Variants in TBL1X observed in about 807,000 individuals in gnomAD.
The protein encoded by TBL1X is F-box-like/WD repeat-containing protein TBL1X.
In TBL1X, 10 loss-of-function variants were observed where a neutral mutation model predicts 50.7. The observed-to-expected ratio is 0.20, with a 90% CI of 0.12 to 0.33. TBL1X has a LOEUF of 0.33. Among genes scored for constraint, TBL1X ranks in the 10% least tolerant of loss-of-function variants. The pLI, the probability that TBL1X is intolerant of heterozygous loss-of-function variation, is 1.00. For missense variants in TBL1X, 340 were observed against 504.4 expected (o/e 0.67, Z 3.12); for synonymous variants, 190 against 214.7 (o/e 0.88, Z 1.01).
intron 5 of TBL1X, among the ~76,000 whole-genome samples, chrX:9,663,088 A>G (rs749699859): frequency 9.2e-6 from 1 of 108,876 alleles, no homozygotes; most frequent in South Asian, 4.0e-4. Flanking sequence ...GAGTTTAGAA[A>G]ATTAGTCTCA....
chrX:9,698,424 G>A (rs770435118), intron 12 of TBL1X, among the ~76,000 whole-genome samples: 3 of 111,700 alleles, frequency 2.7e-5, no homozygotes, highest in African/African-American at 6.5e-5. Context: ...AAAGGGAAAC[G>A]GTGCACACGG....
intron 2 of TBL1X, among the ~76,000 whole-genome samples, chrX:9,596,927 C>T (rs2082529546): frequency 9.0e-6 from 1 of 111,166 alleles, no homozygotes; most frequent in African/African-American, 3.3e-5. Flanking sequence ...GATTTAAAGT[C>T]ATAAAGGAAG....
intron 1 of TBL1X, among the ~76,000 whole-genome samples, chrX:9,489,472 C>G (rs953253546): frequency 1.8e-5 from 2 of 111,757 alleles, no homozygotes; most frequent in African/African-American, 6.5e-5. Context: ...TAAATCGTTT[C>G]TTTCTTGCTC....
At chrX:9,532,767 T>C in intron 2 of TBL1X, among the ~76,000 whole-genome samples, 1 of 111,269 alleles carries the variant, frequency 9.0e-6, no homozygotes, top group Non-Finnish European at 1.9e-5. Flanking sequence ...TGTCCCCTCA[T>C]CTCTAGTCCT....
At position 9,716,394 on chromosome X, in the gene TBL1X, A is replaced by G; in HGVS notation, c.*148A>G. On this transcript the variant is annotated 3_prime_UTR_variant, in exon 18 of 18. Transcript: ENST00000645353. ...CTCGTCTCTGGCCGCAGGAGTCTATATGTTTTCGTAATCTTCATCAAGAAG... is the reference window on the plus strand; with the variant it reads ...CTCGTCTCTGGCCGCAGGAGTCTATGTGTTTTCGTAATCTTCATCAAGAAG... 1 of 558,137 alleles carries G rather than the reference A, an allele frequency of 1.8e-6. No individual in the cohort carries two copies. The highest frequency in any genetic ancestry group is 2.7e-6 in the Non-Finnish European group (1 of 364,606). 46.0% of individuals were successfully genotyped at this position (558,137 alleles called of 1,213,427 possible).
Position 9,510,128 on chromosome X carries a change from G to T in TBL1X, c.-131+8279G>T, listed in dbSNP as rs1198947359. Among the ~76,000 whole-genome samples, 6 of 111,160 alleles carry T rather than the reference G, an allele frequency of 5.4e-5. No homozygotes were observed. In the Admixed American group the frequency reaches 5.7e-4, roughly 11 times the overall value. On this transcript the variant is annotated intron_variant, in intron 2 of 17. Coordinates refer to ENST00000645353, the MANE Select transcript of TBL1X (RefSeq NM_005647.4). ...AGAGTTTGGTTGTCACAGCTGATGG[G>T]GTGGGGGTGCTATGGCATTGGGTGG...
At chrX:9,592,232 T>C (rs1033209316) in intron 2 of TBL1X, among the ~76,000 whole-genome samples, 3 of 111,971 alleles carry the variant, frequency 2.7e-5, no homozygotes, top group Non-Finnish European at 5.6e-5. Flanking sequence ...CTCTGTTTAC[T>C]GCCTGAGATG....
chrX:9,474,087 T>C (rs755552759), intron 1 of TBL1X, among the ~76,000 whole-genome samples: 2 of 112,870 alleles, frequency 1.8e-5, no homozygotes, highest in African/African-American at 3.2e-5. Flanking sequence ...TCATGCCCTC[T>C]GGCAGGTGCA....
chrX:9,537,687 A>G (rs938071136), intron 2 of TBL1X, among the ~76,000 whole-genome samples: 4 of 112,750 alleles, frequency 3.5e-5, no homozygotes, highest in African/African-American at 1.3e-4. Context: ...TGGATGGACT[A>G]CACTCTGTTT....
At chrX:9,543,604 C>T (rs1232853096) in intron 2 of TBL1X, among the ~76,000 whole-genome samples, 1 of 111,126 alleles carries the variant, frequency 9.0e-6, no homozygotes. Flanking sequence ...AGTGACCGCT[C>T]CTGCCCCTTG....
chrX:9,709,166 GC>G (rs777767258), intron 13 of TBL1X, 81 bp from the exon 14 acceptor site: 150 of 1,007,392 alleles, frequency 1.5e-4, no homozygotes, highest in Middle Eastern at 3.7e-4. Context: ...CGCCGGTGGC[GC>G]GCTGCTGCCC....
At chrX:9,656,004 A>T (rs1361488349) in intron 5 of TBL1X, among the ~76,000 whole-genome samples, 1 of 113,000 alleles carries the variant, frequency 8.8e-6, no homozygotes, top group Non-Finnish European at 1.9e-5. Context: ...ATTCATGGAA[A>T]GTACACATTC....
At chrX:9,621,676 C>T (rs1021381593) in intron 2 of TBL1X, among the ~76,000 whole-genome samples, 4 of 112,247 alleles carry the variant, frequency 3.6e-5, no homozygotes, top group Non-Finnish European at 1.9e-5. Flanking sequence ...CGTATAACAG[C>T]ATCATTTGTT....
intron 2 of TBL1X, among the ~76,000 whole-genome samples, chrX:9,559,061 G>T (rs2082313283): frequency 8.9e-6 from 1 of 111,768 alleles, no homozygotes; most frequent in African/African-American, 3.3e-5. Flanking sequence ...TCTGATATTT[G>T]CATCTTCTTT....
intron 2 of TBL1X, among the ~76,000 whole-genome samples, chrX:9,554,868 C>G (rs1305625091): frequency 9.0e-6 from 1 of 111,518 alleles, no homozygotes; most frequent in Non-Finnish European, 1.9e-5. Flanking sequence ...ATTGTCATCA[C>G]TCCAGGAAGC....
At chrX:9,698,869 C>A (rs2083150556) in intron 12 of TBL1X, among the ~76,000 whole-genome samples, 1 of 97,994 alleles carries the variant, frequency 1.0e-5, no homozygotes, top group African/African-American at 3.8e-5. Flanking sequence ...CAACTACATC[C>A]CTTTGTGCAC....
At chrX:9,469,816 G>T (rs2081801764) in intron 1 of TBL1X, among the ~76,000 whole-genome samples, 1 of 111,931 alleles carries the variant, frequency 8.9e-6, no homozygotes. Flanking sequence ...CATCTGCTCT[G>T]CTCTGGAAGT....
chrX:9,529,675 A>T (rs747913733), intron 2 of TBL1X, among the ~76,000 whole-genome samples: 1 of 108,890 alleles, frequency 9.2e-6, no homozygotes, highest in South Asian at 4.0e-4. Flanking sequence ...GGGCGCAGTG[A>T]CTCATGCCTG....
intron 1 of TBL1X, among the ~76,000 whole-genome samples, chrX:9,482,424 G>C (rs1398122285): frequency 1.8e-5 from 2 of 111,981 alleles, no homozygotes; most frequent in African/African-American, 6.5e-5. Flanking sequence ...CTGTTTAACT[G>C]ATCTAGTCTT....
Sources: gnomAD v4.1 joint callset for allele counts (sites outside exome capture counted in the v4.1 genomes callset) on GRCh38, gnomAD v4.1.1 for gene constraint, MANE v1.5 for transcripts, NCBI Gene and HGNC (gene_info 2026-07-23, HGNC 2026-07-21) for gene names.